Variants in MBTD1 observed in about 807,000 individuals in gnomAD.
The protein encoded by MBTD1 is mbt domain containing 1.
In MBTD1, 24 loss-of-function variants were observed where a neutral mutation model predicts 87.8. The observed-to-expected ratio is 0.27, with a 90% CI of 0.20 to 0.38. MBTD1 has a LOEUF of 0.38. Among genes scored for constraint, MBTD1 ranks in the 10% least tolerant of loss-of-function variants. The probability of loss-of-function intolerance (pLI) is 1.00; values close to 1 mark genes in which losing one functional copy is unlikely to be tolerated. For synonymous variants in MBTD1, 237 were observed against 248.6 expected (o/e 0.95, Z 0.44); for missense variants, 436 against 760.2 (o/e 0.57, Z 5.02).
intron 12 of MBTD1, among the ~76,000 whole-genome samples, chr17:51,197,999 C>T (rs777733586): frequency 1.8e-4 from 28 of 152,140 alleles, no homozygotes; most frequent in Non-Finnish European, 3.8e-4. Flanking sequence ...CAATGATGAG[C>T]TTCTACACCA....
chr17:51,246,374 AAG>A (rs1210530121), intron 2 of MBTD1, among the ~76,000 whole-genome samples: 1 of 152,186 alleles, frequency 6.6e-6, no homozygotes, highest in Non-Finnish European at 1.5e-5. Context: ...TCCATGCTCA[AAG>A]AGTTTCAAAT....
At chr17:51,218,192 C>T (rs530337188) in intron 5 of MBTD1, among the ~76,000 whole-genome samples, 15 of 152,192 alleles carry the variant, frequency 9.9e-5, no homozygotes, top group African/African-American at 2.2e-4. Flanking sequence ...TTGCTCTCCT[C>T]ATTATTTACT....
At chr17:51,210,454 T>C (rs1005278640) in intron 6 of MBTD1, among the ~76,000 whole-genome samples, 9 of 152,060 alleles carry the variant, frequency 5.9e-5, no homozygotes, top group African/African-American at 2.2e-4. Flanking sequence ...TAGGAAGCAC[T>C]GGTTACTAAT....
intron 2 of MBTD1, among the ~76,000 whole-genome samples, chr17:51,255,099 G>T (rs1016466856): frequency 6.6e-6 from 1 of 152,128 alleles, no homozygotes; most frequent in Non-Finnish European, 1.5e-5. Context: ...TGGCCAATAT[G>T]ATGAAACCCC....
chr17:51,234,328 G>A lies in MBTD1; in HGVS notation c.-48-9119C>T, dbSNP rs192987772. ...AAATCGCTTGAACCCGGGAGACAGA[G>A]GTTGCAGTGAGCTGAGATTGCACCA... On this transcript the variant is annotated intron_variant, in intron 2 of 16. Transcript: ENST00000586178. 9.0e-4 allele frequency among the ~76,000 whole-genome samples: 134 copies of A among 149,116 alleles called. 1 individual carries two copies. Among genetic ancestry groups the A allele is most frequent in the Middle Eastern group, 3.5e-3 (1 of 288 alleles).
At position 51,192,358 on chromosome 17, in the gene MBTD1, T is replaced by C. The variant is rs564818156; in HGVS notation, c.1691-78A>G. 5.2e-5 allele frequency: 51 copies of C among 985,972 alleles called. 1 individual carries two copies. The highest frequency in any genetic ancestry group is 3.0e-4 in the Middle Eastern group (1 of 3,360). 61.1% of individuals were successfully genotyped at this position (985,972 alleles called of 1,614,324 possible). ...GATACAGTTGTCTAGATACAACTTA[T>C]ATGAACTATCTTTACCAAGACCATT... On this transcript the variant is annotated intron_variant, in intron 15 of 16. Transcript: ENST00000586178.
intron 2 of MBTD1, among the ~76,000 whole-genome samples, chr17:51,239,825 AG>A (rs2054062574): frequency 6.6e-6 from 1 of 152,178 alleles, no homozygotes; most frequent in Non-Finnish European, 1.5e-5. Context: ...TGCCTTTCCT[AG>A]TAATAAGGAT....
At chr17:51,259,446 C>T (rs540996383) in intron 1 of MBTD1, among the ~76,000 whole-genome samples, 119 of 152,276 alleles carry the variant, frequency 7.8e-4, no homozygotes, top group African/African-American at 2.2e-3. Flanking sequence ...AACTGTGCTC[C>T]CCCTCCCCGC....
upstream of MBTD1, chr17:51,260,542 C>G (rs1300780515): frequency 1.9e-6 from 3 of 1,574,352 alleles, no homozygotes; most frequent in South Asian, 3.5e-5. Flanking sequence ...GCATGCGCAG[C>G]GAGGTTCCAC....
At position 51,180,703 on chromosome 17, in the gene MBTD1, AAGAG is replaced by A. The variant is rs1247563373; in HGVS notation, c.1769-13_1769-10del. 4.9e-6 allele frequency: 7 copies of A among 1,436,986 alleles called. No homozygotes were observed. The highest frequency in any genetic ancestry group is 1.2e-5 in the South Asian group (1 of 81,858). The allele number at this position is 1,436,986 out of a possible 1,614,324, so 89.0% of individuals were successfully genotyped here. A position where few individuals can be genotyped will look rare whatever the true frequency, so the allele number is the denominator to read the frequency against. On this transcript the variant is annotated splice_polypyrimidine_tract_variant and intron_variant, in intron 16 of 16. Coordinates refer to ENST00000586178, the MANE Select transcript of MBTD1 (RefSeq NM_017643.3). ...CAGCTGCAGTGTTGTCACTGAATGA[AAGAG>A]AGAGAAACATATGGGCATTAAGGCT...
intron 12 of MBTD1, among the ~76,000 whole-genome samples, chr17:51,201,087 C>T (rs2051461486): frequency 6.6e-6 from 1 of 151,996 alleles, no homozygotes; most frequent in South Asian, 2.1e-4. Context: ...TGTGATCACA[C>T]TACTGCACTC....
chr17:51,237,668 T>C (rs1223303686), intron 2 of MBTD1, among the ~76,000 whole-genome samples: 1 of 152,206 alleles, frequency 6.6e-6, no homozygotes, highest in East Asian at 1.9e-4. Context: ...AAAAGTCCTC[T>C]ACAGTCAGTG....
At chr17:51,249,494 T>C (rs1281395513) in intron 2 of MBTD1, 1 of 152,210 alleles carries the variant, frequency 6.6e-6, no homozygotes, top group African/African-American at 2.4e-5. Flanking sequence ...TTTTTAGCAT[T>C]ATAAACTGTT....
At chr17:51,246,674 C>T (rs2031709388) in intron 2 of MBTD1, among the ~76,000 whole-genome samples, 1 of 152,280 alleles carries the variant, frequency 6.6e-6, no homozygotes, top group East Asian at 1.9e-4. Flanking sequence ...CTCACTCTGT[C>T]GTCCAGGCTG....
In MBTD1 at chr17:51,259,994, GC is replaced by G; in HGVS notation, c.-273del. On this transcript the variant is annotated 5_prime_UTR_variant, in exon 1 of 17. Coordinates refer to ENST00000586178, the MANE Select transcript of MBTD1 (RefSeq NM_017643.3). The stretch of plus-strand genomic sequence containing the variant: ...TGGGCCCAGACCGGTGGCGGGTGCA[GC>G]AGCCCCCGGATTTCCCCCCTTTAAC... The G allele has an allele frequency of 1.6e-6, 1 of 626,716 alleles. No individual in the cohort carries two copies. The highest frequency in any genetic ancestry group is 2.3e-6 in the Non-Finnish European group (1 of 435,606). 38.8% of individuals were successfully genotyped at this position (626,716 alleles called of 1,614,324 possible).
chr17:51,242,465 G>C (rs1464236297), intron 2 of MBTD1, among the ~76,000 whole-genome samples: 1 of 152,154 alleles, frequency 6.6e-6, no homozygotes, highest in Non-Finnish European at 1.5e-5. Context: ...GTATTTCTTT[G>C]CAGTCACTTT....
chr17:51,179,489 TATATATA>T lies in MBTD1; in HGVS notation c.*1080_*1086del. 2 of 18,986 alleles carry T rather than the reference TATATATA, an allele frequency of 1.1e-4. No individual in the cohort carries two copies. Among genetic ancestry groups the T allele is most frequent in the African/African-American group, 1.7e-4 (1 of 5,808 alleles). The allele number at this position is 18,986 out of a possible 1,614,324, so 1.2% of individuals were successfully genotyped here. On this transcript the variant is annotated 3_prime_UTR_variant, in exon 17 of 17. Coordinates refer to ENST00000586178, the MANE Select transcript of MBTD1 (RefSeq NM_017643.3). ...GAATACAATTAAAGACAATTTTATATATATATATATATATATATATATATATATATAT... is the reference window on the plus strand; with the variant it reads ...GAATACAATTAAAGACAATTTTATATTATATATATATATATATATATATAT...
At chr17:51,205,655 G>A (rs2051777810) in intron 7 of MBTD1, among the ~76,000 whole-genome samples, 1 of 152,004 alleles carries the variant, frequency 6.6e-6, no homozygotes, top group African/African-American at 2.4e-5. Context: ...AAAGGGAGAG[G>A]GAGACTGGCC....
chr17:51,240,050 TATTTG>T (rs2054076825), intron 2 of MBTD1, among the ~76,000 whole-genome samples: 1 of 152,224 alleles, frequency 6.6e-6, no homozygotes, highest in Non-Finnish European at 1.5e-5. Context: ...TCTTTTTTTA[TATTTG>T]ATGTCTTTTA....
Sources: allele counts gnomAD v4.1 joint callset (sites outside exome capture counted in the v4.1 genomes callset), GRCh38; gene constraint gnomAD v4.1.1; transcripts MANE v1.5; gene names NCBI Gene and HGNC (gene_info 2026-07-23, HGNC 2026-07-21).